DCAF6: variants seen among roughly 807,000 people sequenced by gnomAD.
The protein encoded by DCAF6 is DDB1- and CUL4-associated factor 6.
In DCAF6, 54 loss-of-function variants were observed where a neutral mutation model predicts 125.1. The ratio of observed to expected loss-of-function variants is 0.43; its 90% CI spans 0.35 to 0.54. The LOEUF is 0.54. Among genes scored for constraint, DCAF6 ranks in the 20% least tolerant of loss-of-function variants. The pLI is 0.01. For synonymous variants in DCAF6, 371 were observed against 390.4 expected (o/e 0.95, Z 0.58); for missense variants, 934 against 1,161.7 (o/e 0.80, Z 2.85).
rs1046286787 is a variant in DCAF6 at position 168,050,874 on chromosome 1, T to C, written c.2259-18T>C. ...AAGTCTTTGTAAGTGATTTCAGTTA[T>C]TGTGTTCCCTTCACTAGATTTAATA... On this transcript the variant is annotated intron_variant, in intron 16 of 21. Coordinates refer to ENST00000367840, the MANE Select transcript of DCAF6 (RefSeq NM_001198956.2). The C allele has an allele frequency of 1.5e-6, 2 of 1,325,716 alleles. No individual in the cohort carries two copies. Among genetic ancestry groups the C allele is most frequent in the Non-Finnish European group, 2.0e-6 (2 of 1,006,708 alleles). 82.1% of individuals were successfully genotyped at this position (1,325,716 alleles called of 1,614,324 possible). A position where few individuals can be genotyped will look rare whatever the true frequency, so the allele number is the denominator to read the frequency against.
rs561548093 is a variant in DCAF6, at chr1:168,044,081, G to C, written c.1844-504G>C. Among the ~76,000 whole-genome samples, 28 of 152,208 alleles carry C rather than the reference G, an allele frequency of 1.8e-4. 1 individual carries two copies. Among genetic ancestry groups the C allele is most frequent in the African/African-American group, 6.7e-4 (28 of 41,534 alleles). ...CCTGGGCTTCAGGAAGAAGCAGTGGGCCCATCCGTCCATGATAGTGTTTGT... is the reference window on the plus strand; with the variant it reads ...CCTGGGCTTCAGGAAGAAGCAGTGGCCCCATCCGTCCATGATAGTGTTTGT... On this transcript the variant is annotated intron_variant, in intron 14 of 21. Coordinates refer to ENST00000367840, the MANE Select transcript of DCAF6 (RefSeq NM_001198956.2).
At chr1:168,008,191 A>G (rs1212075456) in intron 10 of DCAF6, among the ~76,000 whole-genome samples, 4 of 150,322 alleles carry the variant, frequency 2.7e-5, no homozygotes, top group African/African-American at 4.9e-5. Context: ...CTGGTCTTGA[A>G]CTCCTAACCT....
At chr1:168,073,185 A>AG (rs1693354641) in intron 21 of DCAF6, among the ~76,000 whole-genome samples, 1 of 152,194 alleles carries the variant, frequency 6.6e-6, no homozygotes, top group East Asian at 1.9e-4. Flanking sequence ...CAAAAAAAAA[A>AG]GAAGAAAAAG....
At chr1:167,893,857 T>C in the DCAF6 span, 1 of 1,612,198 alleles carries the variant, frequency 6.2e-7, no homozygotes, top group Non-Finnish European at 8.5e-7. Flanking sequence ...AAATACCTGC[T>C]TCAAAATGCT....
chr1:167,903,291 C>T, the DCAF6 span, among the ~76,000 whole-genome samples: 15 of 144,226 alleles, frequency 1.0e-4, no homozygotes, highest in African/African-American at 3.6e-4. Flanking sequence ...TAGCCGGGCA[C>T]CCTGGCTCTC....
chr1:167,979,647 G>A (rs933534102), intron 4 of DCAF6, among the ~76,000 whole-genome samples: 1 of 152,174 alleles, frequency 6.6e-6, no homozygotes, highest in African/African-American at 2.4e-5. Context: ...AGCACTTTGG[G>A]AGGCCGAGGT....
intron 16 of DCAF6, among the ~76,000 whole-genome samples, chr1:168,050,102 A>G (rs745441333): frequency 1.3e-5 from 2 of 151,784 alleles, no homozygotes; most frequent in South Asian, 2.1e-4. Context: ...AGCTTCCTGA[A>G]TAAGTCCTCA....
At chr1:168,009,541 TCTC>T (rs1683989918) in intron 10 of DCAF6, among the ~76,000 whole-genome samples, 1 of 149,614 alleles carries the variant, frequency 6.7e-6, no homozygotes, top group Admixed American at 6.7e-5. Context: ...CTTCTTTCCT[TCTC>T]CTCTTTCTCC....
intron 5 of DCAF6, among the ~76,000 whole-genome samples, chr1:167,988,509 C>T (rs1345788842): frequency 6.6e-6 from 1 of 152,136 alleles, no homozygotes; most frequent in African/African-American, 2.4e-5. Flanking sequence ...AGAAATCATT[C>T]AGTCTTTTGA....
intron 19 of DCAF6, among the ~76,000 whole-genome samples, chr1:168,066,031 A>G (rs1692282210): frequency 6.6e-6 from 1 of 152,232 alleles, no homozygotes; most frequent in Non-Finnish European, 1.5e-5. Flanking sequence ...TTGTATATCC[A>G]AATGGAACAT....
chr1:167,883,358 T>C, the DCAF6 span: 2 of 1,509,768 alleles, frequency 1.3e-6, no homozygotes. Context: ...ATTTCCTGTG[T>C]CTATTCTCAC....
At chr1:167,975,045 T>C (rs1251896695) in intron 4 of DCAF6, 30 bp downstream of exon 4, 1 of 1,393,486 alleles carries the variant, frequency 7.2e-7, no homozygotes, top group Non-Finnish European at 9.6e-7. Context: ...ATATGATATA[T>C]ATGTAAGTAT....
the DCAF6 span, among the ~76,000 whole-genome samples, chr1:167,922,327 A>G: frequency 6.6e-6 from 1 of 152,136 alleles, no homozygotes; most frequent in Non-Finnish European, 1.5e-5. Context: ...ACAGTAATGA[A>G]CCAGTTCAAA....
At chr1:167,909,872 A>G in the DCAF6 span, among the ~76,000 whole-genome samples, 3 of 152,258 alleles carry the variant, frequency 2.0e-5, no homozygotes, top group African/African-American at 7.2e-5. Flanking sequence ...CTCTGAAGAG[A>G]AAGAGGAAGT....
intron 2 of DCAF6, among the ~76,000 whole-genome samples, chr1:167,958,218 G>A (rs774848637): frequency 2.0e-5 from 3 of 151,990 alleles, no homozygotes; most frequent in Non-Finnish European, 4.4e-5. Flanking sequence ...CTTAATCACT[G>A]GTCGTGAAGA....
At chr1:168,005,773 C>CTTTTT (rs1300519888) in intron 10 of DCAF6, among the ~76,000 whole-genome samples, 15 of 152,080 alleles carry the variant, frequency 9.9e-5, no homozygotes, top group Non-Finnish European at 2.9e-5. Context: ...GTATATACCA[C>CTTTTT]TTTTAGTAAT....
the DCAF6 span, chr1:167,878,710 C>T: frequency 6.9e-7 from 1 of 1,453,674 alleles, no homozygotes; most frequent in Non-Finnish European, 9.6e-7. Flanking sequence ...AAACATTGTC[C>T]CCAAATAGCA....
intron 20 of DCAF6, 45 bp from the exon 21 acceptor site, chr1:168,068,313 C>G (rs761258313): frequency 5.8e-6 from 8 of 1,390,838 alleles, no homozygotes; most frequent in Non-Finnish European, 8.1e-6. Context: ...GGAAAAAATA[C>G]AGTTACTTTA....
At chr1:167,883,101 G>C in the DCAF6 span, among the ~76,000 whole-genome samples, 1 of 152,186 alleles carries the variant, frequency 6.6e-6, no homozygotes, top group Non-Finnish European at 1.5e-5. Flanking sequence ...GCAGTGGTGC[G>C]ATCTCGGCTC....
Sources: gnomAD v4.1 joint callset for allele counts (sites outside exome capture counted in the v4.1 genomes callset) on GRCh38, gnomAD v4.1.1 for gene constraint, MANE v1.5 for transcripts, NCBI Gene and HGNC (gene_info 2026-07-23, HGNC 2026-07-21) for gene names.